TGFBR3: variants seen among roughly 807,000 people sequenced by gnomAD.
TGFBR3 encodes transforming growth factor beta receptor type 3.
Under a neutral mutation model 87.9 loss-of-function variants are expected in TGFBR3, and 46 were observed. That is an observed-to-expected ratio of 0.52 (90% confidence interval 0.41 to 0.67). The LOEUF is 0.67. Among genes scored for constraint, TGFBR3 ranks in the 30% least tolerant of loss-of-function variants. The pLI, the probability that TGFBR3 is intolerant of heterozygous loss-of-function variation, is 0.00. For synonymous variants in TGFBR3, 381 were observed against 391.6 expected, an observed-to-expected ratio of 0.97 and a Z score of 0.32; for missense variants, 866 against 1,041.9, an observed-to-expected ratio of 0.83 and a Z score of 2.32.
At chr1:91,722,557 C>T (rs1672408027) in intron 7 of TGFBR3, among the ~76,000 whole-genome samples, 1 of 152,112 alleles carries the variant, frequency 6.6e-6, no homozygotes, top group African/African-American at 2.4e-5. Flanking sequence ...ATATTGCCCT[C>T]AAATTCCCAT....
chr1:91,712,220 C>T (rs1489627850), intron 13 of TGFBR3, 23 bp downstream of exon 13: 32 of 1,612,022 alleles, frequency 2.0e-5, no homozygotes, highest in East Asian at 2.2e-5. Context: ...AATAACCATC[C>T]GAATGGATGA....
intron 2 of TGFBR3, among the ~76,000 whole-genome samples, chr1:91,839,056 C>CA (rs1332375743): frequency 6.6e-6 from 1 of 152,158 alleles, no homozygotes; most frequent in African/African-American, 2.4e-5. Context: ...TGGCTCACTG[C>CA]AGTCCTGACC....
intron 14 of TGFBR3, among the ~76,000 whole-genome samples, chr1:91,707,672 A>G (rs1671839917): frequency 6.6e-6 from 1 of 152,160 alleles, no homozygotes; most frequent in South Asian, 2.1e-4. Context: ...GGCAGCCTGT[A>G]GCTCTAATCC....
intron 2 of TGFBR3, among the ~76,000 whole-genome samples, chr1:91,843,301 G>A (rs1677359088): frequency 6.6e-6 from 1 of 152,116 alleles, no homozygotes; most frequent in African/African-American, 2.4e-5. Context: ...TCTTAAAAGA[G>A]ACTCCAGAGA....
intron 1 of TGFBR3, among the ~76,000 whole-genome samples, chr1:91,883,561 C>T (rs1251201665): frequency 2.0e-5 from 3 of 152,088 alleles, no homozygotes; most frequent in Admixed American, 6.6e-5. Flanking sequence ...TTATAGATAT[C>T]AACAGTGTGT....
intron 3 of TGFBR3, among the ~76,000 whole-genome samples, chr1:91,794,133 C>T (rs1440233840): frequency 6.6e-6 from 1 of 152,004 alleles, no homozygotes. Flanking sequence ...AATTACAATT[C>T]AACAGTTTTT....
chr1:91,851,819 G>A (rs1677748021), intron 2 of TGFBR3, among the ~76,000 whole-genome samples: 3 of 152,170 alleles, frequency 2.0e-5, no homozygotes, highest in Admixed American at 2.0e-4. Context: ...AGGATGCAAA[G>A]CAAAGAGAAA....
chr1:91,732,599 G>A (rs1002257249), intron 5 of TGFBR3, among the ~76,000 whole-genome samples: 11 of 152,296 alleles, frequency 7.2e-5, no homozygotes, highest in Admixed American at 6.5e-4. Context: ...AGTCTGAGCC[G>A]TGGTGATAAA....
intron 1 of TGFBR3, among the ~76,000 whole-genome samples, chr1:91,882,002 G>A (rs1047814870): frequency 6.6e-6 from 1 of 151,538 alleles, no homozygotes; most frequent in African/African-American, 2.4e-5. Flanking sequence ...TCACTCCACT[G>A]CACTCCAGCC....
At chr1:91,833,779 C>CAAA (rs34182358) in intron 2 of TGFBR3, among the ~76,000 whole-genome samples, 1 of 136,712 alleles carries the variant, frequency 7.3e-6, no homozygotes. Context: ...GACTTCATCT[C>CAAA]AAAAAAAAAA....
intron 7 of TGFBR3, 133 bp downstream of exon 7, chr1:91,727,526 G>A (rs1260408927): frequency 1.7e-6 from 2 of 1,167,084 alleles, no homozygotes; most frequent in East Asian, 4.9e-5. Context: ...ATGCTATTTT[G>A]CAAAGTGAAA....
intron 2 of TGFBR3, among the ~76,000 whole-genome samples, chr1:91,829,485 A>G (rs1203087758): frequency 1.3e-5 from 2 of 152,070 alleles, no homozygotes; most frequent in African/African-American, 4.8e-5. Flanking sequence ...TGACAAAGTG[A>G]CACCAAAGGG....
chr1:91,785,950 A>G lies in TGFBR3; in HGVS notation c.246+11337T>C, dbSNP rs1330481767. 3.3e-5 allele frequency among the ~76,000 whole-genome samples: 5 copies of G among 151,870 alleles called. No homozygotes were observed. In the East Asian group the frequency reaches 9.7e-4, roughly 29 times the overall value. On this transcript the variant is annotated intron_variant, in intron 3 of 16. Transcript: ENST00000212355. ...CCTGGCTGTTTGTATTTTTGATAGA[A>G]ACAGGGTTTTGCCATATTGCCCAGG...
At chr1:91,866,414 G>A (rs1437755146) in intron 1 of TGFBR3, among the ~76,000 whole-genome samples, 1 of 152,070 alleles carries the variant, frequency 6.6e-6, no homozygotes, top group Non-Finnish European at 1.5e-5. Flanking sequence ...AGAAATCTTC[G>A]GAATCACATC....
At chr1:91,886,793 TC>T, upstream of TGFBR3, among the ~76,000 whole-genome samples, 1 of 151,808 alleles carries the variant, frequency 6.6e-6, no homozygotes, top group South Asian at 2.1e-4. Flanking sequence ...ACCCAGCCGT[TC>T]CCCCTGCTAG....
intron 3 of TGFBR3, among the ~76,000 whole-genome samples, chr1:91,770,167 G>T (rs1029524321): frequency 1.3e-5 from 2 of 151,412 alleles, no homozygotes; most frequent in Non-Finnish European, 2.9e-5. Flanking sequence ...GGGTAAAAAT[G>T]TATGCCATTA....
At chr1:91,897,846 C>G (rs1679583384) in intron 2 of TGFBR3, among the ~76,000 whole-genome samples, 1 of 151,994 alleles carries the variant, frequency 6.6e-6, no homozygotes, top group Admixed American at 6.6e-5. Context: ...ACATCCAAAA[C>G]TGATCATTGT....
chr1:91,727,843 A>G (rs1161259259), intron 6 of TGFBR3, 37 bp from the exon 7 acceptor site: 1 of 1,612,118 alleles, frequency 6.2e-7, no homozygotes, highest in East Asian at 2.2e-5. Context: ...TAAGACCTAC[A>G]TGCCAGAAAG....
At position 91,693,592 on chromosome 1, in the gene TGFBR3, TAGTG is replaced by T. The variant is rs1478687433; in HGVS notation, c.2437+2076_2437+2079del. 3.9e-5 allele frequency among the ~76,000 whole-genome samples: 6 copies of T among 152,176 alleles called. No homozygotes were observed. In the East Asian group the frequency reaches 9.6e-4, roughly 24 times the overall value. On this transcript the variant is annotated intron_variant, in intron 16 of 16. Transcript: ENST00000212355. The stretch of plus-strand genomic sequence containing the variant: ...GGGATTTCAGTGGGGCATGTTCCAG[TAGTG>T]AGTATTATCTGGTTGCCCTATATTC...
Sources: allele counts gnomAD v4.1 joint callset (sites outside exome capture counted in the v4.1 genomes callset), GRCh38; gene constraint gnomAD v4.1.1; transcripts MANE v1.5; gene names NCBI Gene and HGNC (gene_info 2026-07-23, HGNC 2026-07-21).